PCDH15: variants seen among roughly 807,000 people sequenced by gnomAD.
PCDH15 encodes the protein protocadherin-15.
A neutral mutation model predicts 178.5 loss-of-function variants in PCDH15; 129 were observed. The ratio of observed to expected loss-of-function variants is 0.72; its 90% CI spans 0.63 to 0.84. The LOEUF (loss-of-function observed/expected upper bound fraction) is 0.84. Ranked by LOEUF, PCDH15 falls within the 40% of genes least tolerant of loss-of-function variation. The pLI, the probability that PCDH15 is intolerant of heterozygous loss-of-function variation, is 0.00. For missense variants in PCDH15, 2,230 were observed against 2,099.9 expected, an observed-to-expected ratio of 1.06 and a Z score of -1.21; for synonymous variants, 800 against 732.0, an observed-to-expected ratio of 1.09 and a Z score of -1.50.
chr10:53,988,778 T>C (rs1315202943), intron 21 of PCDH15, among the ~76,000 whole-genome samples: 1 of 151,890 alleles, frequency 6.6e-6, no homozygotes, highest in Non-Finnish European at 1.5e-5. Flanking sequence ...AAATCTGTCT[T>C]GTTTAAAGTA....
intron 2 of PCDH15, among the ~76,000 whole-genome samples, chr10:55,557,075 T>C (rs1353319636): frequency 6.6e-6 from 1 of 152,206 alleles, no homozygotes; most frequent in Admixed American, 6.6e-5. Context: ...TTCTTTAGCA[T>C]TCCTGTTCAC....
intron 2 of PCDH15, among the ~76,000 whole-genome samples, chr10:55,082,799 T>C (rs934505702): frequency 6.6e-6 from 1 of 151,730 alleles, no homozygotes; most frequent in African/African-American, 2.4e-5. Context: ...AAATTGGGAA[T>C]ACATTGATAA....
chr10:54,115,436 C>A (rs964322577), intron 15 of PCDH15, among the ~76,000 whole-genome samples: 3 of 152,172 alleles, frequency 2.0e-5, no homozygotes, highest in African/African-American at 7.2e-5. Flanking sequence ...CGGGATTATT[C>A]CCTTATACAT....
chr10:55,589,525 C>G (rs4304666), intron 2 of PCDH15, among the ~76,000 whole-genome samples: 1 of 150,900 alleles, frequency 6.6e-6, no homozygotes, highest in South Asian at 2.1e-4. Context: ...AGTGAACAGG[C>G]AACCTACACA....
At chr10:55,468,427 G>C (rs148786256) in intron 2 of PCDH15, 201 of 152,278 alleles carry the variant, frequency 1.3e-3, no homozygotes, top group African/African-American at 4.7e-3. Flanking sequence ...CCTCCTTGCA[G>C]GGAAAGGCCA....
chr10:55,152,449 T>A (rs2589431), intron 2 of PCDH15, among the ~76,000 whole-genome samples: 142,626 of 152,180 alleles, frequency 0.94, 67,169 homozygotes, highest in East Asian at 1. Context: ...TATATAATTT[T>A]TAAAAATGAA....
chr10:55,319,810 G>T (rs976703984), upstream of PCDH15, among the ~76,000 whole-genome samples: 1 of 152,096 alleles, frequency 6.6e-6, no homozygotes, highest in South Asian at 2.1e-4. Context: ...ACTCCAGATG[G>T]TGCAGAGTCC....
At chr10:54,005,928 T>C (rs1442358043) in intron 20 of PCDH15, among the ~76,000 whole-genome samples, 1 of 151,964 alleles carries the variant, frequency 6.6e-6, no homozygotes, top group African/African-American at 2.4e-5. Flanking sequence ...AACAGAATAA[T>C]GGAGAAAGAA....
chr10:54,881,495 G>A (rs1954261412), intron 3 of PCDH15, among the ~76,000 whole-genome samples: 1 of 152,010 alleles, frequency 6.6e-6, no homozygotes. Context: ...TGTAGAAATA[G>A]CATGAAGTTC....
intron 2 of PCDH15, among the ~76,000 whole-genome samples, chr10:54,608,297 A>C (rs1228493709): frequency 1.3e-5 from 2 of 151,072 alleles, no homozygotes; most frequent in Non-Finnish European, 3.0e-5. Flanking sequence ...ACAAAAACTT[A>C]TCTCTACCAA....
At chr10:54,865,250 T>A (rs999139490) in intron 3 of PCDH15, among the ~76,000 whole-genome samples, 1 of 152,158 alleles carries the variant, frequency 6.6e-6, no homozygotes, top group African/African-American at 2.4e-5. Context: ...GAAGGTGTGA[T>A]AAGCTGGCTT....
chr10:53,873,055 G>T (rs920498756), intron 26 of PCDH15, among the ~76,000 whole-genome samples: 3 of 152,102 alleles, frequency 2.0e-5, no homozygotes, highest in Admixed American at 2.0e-4. Context: ...AACACGTTAT[G>T]TCTCTCTCAT....
intron 2 of PCDH15, among the ~76,000 whole-genome samples, chr10:55,591,743 C>A (rs1432420342): frequency 6.6e-6 from 1 of 152,084 alleles, no homozygotes. Flanking sequence ...AGCTGTCAAA[C>A]TGCACTGTGT....
At chr10:55,314,963 C>A (rs1454430963) in intron 1 of PCDH15, among the ~76,000 whole-genome samples, 1 of 151,954 alleles carries the variant, frequency 6.6e-6, no homozygotes, top group African/African-American at 2.4e-5. Flanking sequence ...ACTATAAATA[C>A]CTGGTGATTC....
chr10:55,083,008 A>G (rs1842081109), intron 2 of PCDH15, among the ~76,000 whole-genome samples: 1 of 152,016 alleles, frequency 6.6e-6, no homozygotes, highest in South Asian at 2.1e-4. Flanking sequence ...AACTATTCCT[A>G]AAAATGAAAG....
At chr10:55,500,649 G>A (rs918013812) in intron 2 of PCDH15, among the ~76,000 whole-genome samples, 1 of 151,716 alleles carries the variant, frequency 6.6e-6, no homozygotes, top group Non-Finnish European at 1.5e-5. Context: ...AGAATAGTGA[G>A]ACCCTGATCA....
In PCDH15 at chr10:54,196,008, A is replaced by AAAATACGTT. The variant is rs2049594535; in HGVS notation, c.1099-128_1099-120dup. The AAAATACGTT allele has an allele frequency of 1.1e-5, 9 of 837,348 alleles. No individual in the cohort carries two copies. In the South Asian group the frequency reaches 1.5e-4, roughly 14 times the overall value. The allele number at this position is 837,348 out of a possible 1,614,324, so 51.9% of individuals were successfully genotyped here. On this transcript the variant is annotated intron_variant, in intron 10 of 37. Transcript: ENST00000644397. ...TTAACTAATATCATCACATAAGGAAAAAATACGTTAAAGGGCCATTTGAAA... is the reference window on the plus strand; with the variant it reads ...TTAACTAATATCATCACATAAGGAAAAAATACGTTAAATACGTTAAAGGGCCATTTGAAA...
intron 2 of PCDH15, among the ~76,000 whole-genome samples, chr10:55,546,295 G>T (rs1841881406): frequency 6.6e-6 from 1 of 152,116 alleles, no homozygotes; most frequent in African/African-American, 2.4e-5. Context: ...CCTGATATGA[G>T]TTAGTGAAAG....
intron 2 of PCDH15, among the ~76,000 whole-genome samples, chr10:55,470,432 A>G (rs1381265162): frequency 1.3e-5 from 2 of 152,100 alleles, no homozygotes; most frequent in Non-Finnish European, 2.9e-5. Flanking sequence ...ACAGAAATCC[A>G]TATATTCTTA....
Sources: allele counts gnomAD v4.1 joint callset (sites outside exome capture counted in the v4.1 genomes callset), GRCh38; gene constraint gnomAD v4.1.1; transcripts MANE v1.5; gene names NCBI Gene and HGNC (gene_info 2026-07-23, HGNC 2026-07-21).